Variants in MAPKBP1 observed in about 807,000 individuals in gnomAD.
The protein encoded by MAPKBP1 is mitogen-activated protein kinase-binding protein 1.
In MAPKBP1, 71 loss-of-function variants were observed where a neutral mutation model predicts 170.5. The ratio of observed to expected loss-of-function variants is 0.42; its 90% CI spans 0.34 to 0.51. The LOEUF is 0.51. Ranked by LOEUF, MAPKBP1 falls within the 20% of genes least tolerant of loss-of-function variation. MAPKBP1 has a pLI of 0.06. For missense variants in MAPKBP1, 1,598 were observed against 1,933.0 expected, an observed-to-expected ratio of 0.83 and a Z score of 3.25; for synonymous variants, 719 against 757.9, an observed-to-expected ratio of 0.95 and a Z score of 0.84.
At chr15:41,804,737 A>G (rs958272526) in intron 3 of MAPKBP1, among the ~76,000 whole-genome samples, 3 of 152,000 alleles carry the variant, frequency 2.0e-5, no homozygotes, top group African/African-American at 7.3e-5. Flanking sequence ...TCCTGATGGA[A>G]CCTCTAGTAG....
intron 2 of MAPKBP1, among the ~76,000 whole-genome samples, chr15:41,789,285 T>C: frequency 1.6e-5 from 1 of 61,252 alleles, no homozygotes. Flanking sequence ...GAGGACTGAC[T>C]TTAGAGGAAA....
In MAPKBP1 at chr15:41,800,276, A is replaced by G. The variant is rs1267174973; in HGVS notation, c.206+362A>G. ...CACTATTTAAAATACCCAATTCAGT[A>G]GTTTTTTAGTATATTCACAGAGTTG... On this transcript the variant is annotated intron_variant, in intron 3 of 30. Coordinates refer to ENST00000457542, the MANE Select transcript of MAPKBP1 (RefSeq NM_014994.3). 1.3e-5 allele frequency among the ~76,000 whole-genome samples: 2 copies of G among 152,178 alleles called. 1 individual carries two copies. The highest frequency in any genetic ancestry group is 2.9e-5 in the Non-Finnish European group (2 of 68,038).
chr15:41,810,923 C>A lies in MAPKBP1; in HGVS notation c.247C>A (p.His83Asn). 1 of 1,614,132 alleles carries A rather than the reference C, an allele frequency of 6.2e-7. No homozygotes were observed. The highest frequency in any genetic ancestry group is 8.5e-7 in the Non-Finnish European group (1 of 1,180,020). The change falls in exon 4 of 31, where the codon CAC becomes AAC. Residue 83 changes from histidine (H) to asparagine (N), a missense_variant. Transcript: ENST00000457542. The stretch of plus-strand genomic sequence containing the variant: ...GTTCAATCCCCGGAAACACAAACAG[C>A]ACCACATCCTCAACAGTTCCAGGTA... ...VLFNPRKHKQHHILNSSRKTI... is the reference protein window; with the variant it reads ...VLFNPRKHKQNHILNSSRKTI...
At chr15:41,791,932 G>A (rs1176907914) in intron 2 of MAPKBP1, among the ~76,000 whole-genome samples, 1 of 151,868 alleles carries the variant, frequency 6.6e-6, no homozygotes, top group Non-Finnish European at 1.5e-5. Context: ...GCGCATGCCT[G>A]TAATCCCAGC....
Position 41,774,588 on chromosome 15 carries a change from G to C in MAPKBP1, c.-132G>C, listed in dbSNP as rs1335221097. On this transcript the variant is annotated 5_prime_UTR_variant, in exon 1 of 31. Coordinates refer to ENST00000457542, the MANE Select transcript of MAPKBP1 (RefSeq NM_014994.3). ...GATGCCCGAGGGCGCTGTGAGCGGG[G>C]TGGCCTTAGCTCGCCGAGGCTGGTG... is the stretch of plus-strand genomic sequence containing the variant. 1 of 398,678 alleles carries C rather than the reference G, an allele frequency of 2.5e-6. No homozygotes were observed. The highest frequency in any genetic ancestry group is 4.4e-6 in the Non-Finnish European group (1 of 226,192). 24.7% of individuals were successfully genotyped at this position (398,678 alleles called of 1,614,324 possible).
At chr15:41,813,477 G>A (rs2064838917) in intron 8 of MAPKBP1, 144 bp from the exon 9 acceptor site, 1 of 1,404,756 alleles carries the variant, frequency 7.1e-7, no homozygotes. Flanking sequence ...GGGCTGAGGG[G>A]CTCAGAACAG....
rs775481314 is a variant in MAPKBP1 at position 41,825,355 on chromosome 15, C to G, written c.4446C>G (p.Ala1482=). The part of the protein sequence containing the change: ...SPGSSPGAVG[A]EQTQALLEQY... The stretch of plus-strand genomic sequence containing the variant: ...GCAGCAGCCCTGGGGCTGTGGGAGC[C>G]GAGCAGACACAGGCCCTGCTGGAGC... The change falls in exon 31 of 31, where the codon GCC becomes GCG. Residue 1482 remains alanine, a synonymous_variant. Coordinates refer to ENST00000457542, the MANE Select transcript of MAPKBP1 (RefSeq NM_014994.3). 8.1e-6 allele frequency: 13 copies of G among 1,613,442 alleles called. No homozygotes were observed. The South Asian group carries it at 1.4e-4, about 18-fold the overall frequency.
At position 41,813,798 on chromosome 15, in the gene MAPKBP1, C is replaced by T. The variant is rs563375985; in HGVS notation, c.980+17C>T. On this transcript the variant is annotated intron_variant, in intron 9 of 30. Transcript: ENST00000457542. ...CGAGGCCAGGTGAGCTATGTGGGCCCCCCTTCCTCCATTTGTAGCCTTACC... is the reference window on the plus strand; with the variant it reads ...CGAGGCCAGGTGAGCTATGTGGGCCTCCCTTCCTCCATTTGTAGCCTTACC... The T allele has an allele frequency of 2.6e-6, 4 of 1,565,456 alleles. No individual in the cohort carries two copies. The highest frequency in any genetic ancestry group is 2.7e-5 in the African/African-American group (2 of 72,826).
At position 41,817,301 on chromosome 15, in the gene MAPKBP1, T is replaced by G. The variant is rs2064908501; in HGVS notation, c.1712-87T>G. 1.4e-6 allele frequency: 2 copies of G among 1,394,972 alleles called. No homozygotes were observed. Among genetic ancestry groups the G allele is most frequent in the African/African-American group, 2.8e-5 (2 of 70,684 alleles). The allele number at this position is 1,394,972 out of a possible 1,614,324, so 86.4% of individuals were successfully genotyped here. A position where few individuals can be genotyped will look rare whatever the true frequency, so the allele number is the denominator to read the frequency against. On this transcript the variant is annotated intron_variant, in intron 14 of 30. Transcript: ENST00000457542. This position sits in a 1 kb window ranked among gnomAD's most constrained non-coding sequence, Gnocchi z 4.2. ...TTCCCTGGCATGTAGAGTAGCTTGA[T>G]GGGGGATCTCATGGAGGGAAGGTGG...
chr15:41,802,333 T>A (rs2061035154), intron 3 of MAPKBP1, among the ~76,000 whole-genome samples: 1 of 152,186 alleles, frequency 6.6e-6, no homozygotes, highest in South Asian at 2.1e-4. Context: ...AAATTTATTT[T>A]AAAAACATAC....
At chr15:41,792,135 C>G (rs2064407205) in intron 2 of MAPKBP1, among the ~76,000 whole-genome samples, 1 of 150,264 alleles carries the variant, frequency 6.7e-6, no homozygotes, top group African/African-American at 2.5e-5. Flanking sequence ...TCTCTTGCCT[C>G]TACGCCACCT....
chr15:41,806,059 C>T (rs2064685363), intron 3 of MAPKBP1, among the ~76,000 whole-genome samples: 1 of 152,164 alleles, frequency 6.6e-6, no homozygotes, highest in East Asian at 1.9e-4. Context: ...AAGACATATT[C>T]ACTTGTTTAC....
chr15:41,807,773 C>G (rs922743250), intron 3 of MAPKBP1, among the ~76,000 whole-genome samples: 2 of 152,174 alleles, frequency 1.3e-5, no homozygotes, highest in Non-Finnish European at 2.9e-5. Flanking sequence ...CACAGTGGCT[C>G]ACGCCTGTAA....
chr15:41,824,110 CCT>C (rs776376181), intron 29 of MAPKBP1, 49 bp downstream of exon 29: 2 of 1,543,202 alleles, frequency 1.3e-6, no homozygotes, highest in South Asian at 2.4e-5. Flanking sequence ...CTTACTCTCC[CCT>C]CTCTGTTGGC....
intron 3 of MAPKBP1, among the ~76,000 whole-genome samples, chr15:41,806,929 G>T (rs1028202696): frequency 6.6e-6 from 1 of 152,248 alleles, no homozygotes; most frequent in Non-Finnish European, 1.5e-5. Flanking sequence ...CACACAAGGA[G>T]CCCTGGCTAT....
intron 2 of MAPKBP1, among the ~76,000 whole-genome samples, chr15:41,796,490 C>T (rs2064491294): frequency 6.6e-6 from 1 of 152,152 alleles, no homozygotes; most frequent in Non-Finnish European, 1.5e-5. Flanking sequence ...CAACGCAAAA[C>T]CTCCCTGCAA....
Position 41,818,627 on chromosome 15 carries a change from C to A in MAPKBP1, c.2156+45C>A. 6.4e-7 allele frequency: 1 copy of A among 1,572,796 alleles called. No individual in the cohort carries two copies. The highest frequency in any genetic ancestry group is 8.7e-7 in the Non-Finnish European group (1 of 1,149,640). Reference sequence around the variant, plus strand: ...CCTGAGAGGCAGATTCTTACTCTGCCACAGCACCCTGCCCTCCCCTCTCTC... The same window carrying A: ...CCTGAGAGGCAGATTCTTACTCTGCAACAGCACCCTGCCCTCCCCTCTCTC... On this transcript the variant is annotated intron_variant, in intron 19 of 30. Transcript: ENST00000457542. This position sits in a 1 kb window ranked among gnomAD's most constrained non-coding sequence, Gnocchi z 5.2.
chr15:41,801,147 A>G (rs1037584139), intron 3 of MAPKBP1, among the ~76,000 whole-genome samples: 1 of 152,210 alleles, frequency 6.6e-6, no homozygotes, highest in Non-Finnish European at 1.5e-5. Context: ...TCTATTCTTC[A>G]GTTGATGGAC....
intron 2 of MAPKBP1, among the ~76,000 whole-genome samples, chr15:41,778,855 A>G (rs1255416816): frequency 6.6e-6 from 1 of 152,144 alleles, no homozygotes. Context: ...TTACAAAAGG[A>G]TTGTCTGTGC....
Sources: gnomAD v4.1 joint callset for allele counts (sites outside exome capture counted in the v4.1 genomes callset) on GRCh38, gnomAD v4.1.1 for gene constraint, Gnocchi (gnomAD v3.1) non-coding constraint, MANE v1.5 for transcripts, NCBI Gene and HGNC (gene_info 2026-07-23, HGNC 2026-07-21) for gene names.